The following GGCX variants were observed in gnomAD, a reference collection of about 807,000 sequenced individuals.
GGCX encodes vitamin K-dependent gamma-carboxylase.
A neutral mutation model predicts 88.5 loss-of-function variants in GGCX; 63 were observed. The observed-to-expected ratio is 0.71, with a 90% confidence interval of 0.58 to 0.88. The LOEUF is 0.88. Among genes scored for constraint, GGCX ranks in the 40% least tolerant of loss-of-function variants. GGCX has a pLI of 0.00. For missense variants in GGCX, 805 were observed against 932.9 expected, an observed-to-expected ratio of 0.86 and a Z score of 1.79; for synonymous variants, 368 against 365.8, an observed-to-expected ratio of 1.01 and a Z score of -0.07.
chr2:85,550,521 A>G (rs1423619909), intron 14 of GGCX, 34 bp downstream of exon 14: 2 of 1,522,846 alleles, frequency 1.3e-6, no homozygotes, highest in Non-Finnish European at 1.8e-6. Flanking sequence ...TTGCCAACAT[A>G]TGATGGCAAT....
intron 14 of GGCX, 144 bp from the exon 15 acceptor site, chr2:85,550,270 C>A: frequency 1.4e-6 from 1 of 711,670 alleles, no homozygotes; most frequent in Non-Finnish European, 2.5e-6. Context: ...CTCCATCTCC[C>A]AGCTGGAAGG....
At chr2:85,550,438 T>C in intron 14 of GGCX, 117 bp downstream of exon 14, 1 of 777,556 alleles carries the variant, frequency 1.3e-6, no homozygotes, top group Admixed American at 2.0e-5. Flanking sequence ...CAGGAAAAGA[T>C]ACCTAGAGCT....
Position 85,545,900 on chromosome 2 carries a change from A to G in GGCX, c.*4034T>C, listed in dbSNP as rs1691639635. 1.3e-5 allele frequency: 2 copies of G among 152,266 alleles called. No homozygotes were observed. The highest frequency in any genetic ancestry group is 1.3e-4 in the Admixed American group (2 of 15,282). 9.4% of individuals were successfully genotyped at this position (152,266 alleles called of 1,614,324 possible). ...CTTGCAGAGATAAATAATGCAAATT[A>G]GCTGAAAATGCTATAAATTTCCAAA... is the stretch of plus-strand genomic sequence containing the variant. On this transcript the variant is annotated 3_prime_UTR_variant, in exon 15 of 15. Coordinates refer to ENST00000233838, the MANE Select transcript of GGCX (RefSeq NM_000821.7).
chr2:85,551,723 T>C, intron 11 of GGCX, 89 bp downstream of exon 11: 8 of 1,563,874 alleles, frequency 5.1e-6, no homozygotes, highest in Non-Finnish European at 7.1e-6. Context: ...TTCAAAAACA[T>C]TCCCTCTCCC....
At position 85,552,962 on chromosome 2, in the gene GGCX, C is replaced by CCCT; in HGVS notation, c.1263_1264insAGG (p.Gly421_Glu422insArg). On this transcript the variant is annotated inframe_insertion, in exon 9 of 15. Transcript: ENST00000233838. ...ACCCCAGGGTTAAGGTAGCCCAGTT[C>CCCT]GCCAGTGCGGCCATCACGGTAGGTG... The CCCT allele has an allele frequency of 6.2e-7, 1 of 1,614,178 alleles. No homozygotes were observed. The highest frequency in any genetic ancestry group is 8.5e-7 in the Non-Finnish European group (1 of 1,179,984).
chr2:85,555,983 A>C (rs1351550090), intron 5 of GGCX, among the ~76,000 whole-genome samples, 199 bp downstream of exon 5: 3 of 152,202 alleles, frequency 2.0e-5, no homozygotes, highest in Non-Finnish European at 4.4e-5. Flanking sequence ...ACAAAGCTCT[A>C]GTCTTTCCTT....
At position 85,558,444 on chromosome 2, in the gene GGCX, A is replaced by G. The variant is rs549321984; in HGVS notation, c.535T>C (p.Tyr179His). 5 of 1,613,424 alleles carry G rather than the reference A, an allele frequency of 3.1e-6. No homozygotes were observed. The highest frequency in any genetic ancestry group is 4.2e-6 in the Non-Finnish European group (5 of 1,179,344). Residue 179 changes from tyrosine to histidine, a missense_variant, in exon 4 of 15, where the codon TAC becomes CAC. Around this residue, in one of 3 missense-constraint regions of GGCX, gnomAD observed 680 missense variants for 763.7 expected, o/e 0.89. Transcript: ENST00000233838. ...TTTGTCCCCCCTGACTCATACCAGT[A>G]GTGGTTTGCATCCATGAATGTTAGC... ...FQLTFMDANH[Y>H]WSVDGLLNAH...
rs1691677001 is a variant in GGCX, at chr2:85,546,584, CT to C, written c.*3349del. On this transcript the variant is annotated 3_prime_UTR_variant, in exon 15 of 15. Coordinates refer to ENST00000233838, the MANE Select transcript of GGCX (RefSeq NM_000821.7). Reference sequence around the variant, plus strand: ...AAAAAGCTGGGTGTGGTGGCAGGTGCTTGTAATCCCAGCTACTCAGGAGGCT... The same window carrying C: ...AAAAAGCTGGGTGTGGTGGCAGGTGCTGTAATCCCAGCTACTCAGGAGGCT... 6.6e-6 allele frequency: 1 copy of C among 152,332 alleles called. No individual in the cohort carries two copies. Among genetic ancestry groups the C allele is most frequent in the South Asian group, 2.1e-4 (1 of 4,822 alleles). 9.4% of individuals were successfully genotyped at this position (152,332 alleles called of 1,614,324 possible).
rs558424823 is a variant in GGCX, at chr2:85,554,488, C to T, written c.726-182G>A. The T allele has an allele frequency of 2.1e-4, 98 of 472,200 alleles. 1 individual carries two copies. The African/African-American group carries it at 2.5e-3, about 12-fold the overall frequency. 29.3% of individuals were successfully genotyped at this position (472,200 alleles called of 1,614,324 possible). On this transcript the variant is annotated intron_variant, in intron 6 of 14. Coordinates refer to ENST00000233838, the MANE Select transcript of GGCX (RefSeq NM_000821.7). ...GTTGTTGTTGTTGTTGTTGTTGAAA[C>T]GAAGTTTCACTCTGTCGCCTAGGCT...
rs201869647 is a variant in GGCX, at chr2:85,550,654, C to T, written c.1985G>A (p.Arg662His). The change falls in exon 14 of 15, where the codon CGC becomes CAC. Residue 662 changes from arginine to histidine, a missense_variant. By Grantham distance (29) the Arg-to-His change is conservative. Transcript: ENST00000233838. Reference sequence around the variant, plus strand: ...TTCAATCTCCTGGAGCCTTTGTTGGCGTCTAAGAAAGGTCTGAACCAGAGG... The same window carrying T: ...TTCAATCTCCTGGAGCCTTTGTTGGTGTCTAAGAAAGGTCTGAACCAGAGG... ...PTPLVQTFLR[R>H]QQRLQEIERR... The T allele has an allele frequency of 6.2e-6, 10 of 1,613,634 alleles. No individual in the cohort carries two copies. The East Asian group carries it at 6.7e-5, about 11-fold the overall frequency.
At chr2:85,553,539 T>C in intron 7 of GGCX, 42 bp from the exon 8 acceptor site, 1 of 1,605,810 alleles carries the variant, frequency 6.2e-7, no homozygotes, top group African/African-American at 1.3e-5. Flanking sequence ...GGAGTTTGGC[T>C]GGGCCTCTTC....
At position 85,558,992 on chromosome 2, in the gene GGCX, G is replaced by A. The variant is rs773112318; in HGVS notation, c.298C>T (p.Arg100Cys). 29 of 1,613,480 alleles carry A rather than the reference G, an allele frequency of 1.8e-5. No homozygotes were observed. Among genetic ancestry groups the A allele is most frequent in the South Asian group, 6.6e-5 (6 of 91,072 alleles). ...RKYLDGLDVC[R>C]FPLLDALRPL... Reference sequence around the variant, plus strand: ...CGTAGGGCATCCAGCAAGGGGAAGCGGCACACATCCAGCCCATCAAGGTAT... The same window carrying A: ...CGTAGGGCATCCAGCAAGGGGAAGCAGCACACATCCAGCCCATCAAGGTAT... The change falls in exon 3 of 15, where the codon CGC (arginine) becomes TGC (cysteine). Residue 100 changes from arginine to cysteine, a missense_variant. Around this residue, in one of 3 missense-constraint regions of GGCX, gnomAD observed 61 missense variants for 111.9 expected, o/e 0.54. Coordinates refer to ENST00000233838, the MANE Select transcript of GGCX (RefSeq NM_000821.7).
At chr2:85,553,590 G>T in intron 7 of GGCX, 93 bp from the exon 8 acceptor site, 1 of 1,214,996 alleles carries the variant, frequency 8.2e-7, no homozygotes, top group South Asian at 1.2e-5. Flanking sequence ...GTGTTCCACT[G>T]AAAAGGAAAG....
At position 85,559,093 on chromosome 2, in the gene GGCX, G is replaced by A. The variant is rs773894116; in HGVS notation, c.215-18C>T. On this transcript the variant is annotated intron_variant, in intron 2 of 14. Transcript: ENST00000233838. ...CAAGAACCCTAAGAAGGCAATAGGGGAGTTGGTCATTGGGCCTCAGCTAAG... is the reference window on the plus strand; with the variant it reads ...CAAGAACCCTAAGAAGGCAATAGGGAAGTTGGTCATTGGGCCTCAGCTAAG... 2 of 1,612,272 alleles carry A rather than the reference G, an allele frequency of 1.2e-6. No individual in the cohort carries two copies. Among genetic ancestry groups the A allele is most frequent in the Non-Finnish European group, 1.7e-6 (2 of 1,178,370 alleles).
Position 85,547,454 on chromosome 2 carries a change from T to TG in GGCX, c.*2479dup, listed in dbSNP as rs1159038850. On this transcript the variant is annotated 3_prime_UTR_variant, in exon 15 of 15. Coordinates refer to ENST00000233838, the MANE Select transcript of GGCX (RefSeq NM_000821.7). Reference sequence around the variant, plus strand: ...CCTCACCCTACCCCAATATCTTCCTTGGGAAAATTGGTCAGAGAGGTGGTA... The same window carrying TG: ...CCTCACCCTACCCCAATATCTTCCTTGGGGAAAATTGGTCAGAGAGGTGGTA... 1 of 152,148 alleles carries TG rather than the reference T, an allele frequency of 6.6e-6. No individual in the cohort carries two copies. Among genetic ancestry groups the TG allele is most frequent in the African/African-American group, 2.4e-5 (1 of 41,436 alleles). The allele number at this position is 152,148 out of a possible 1,614,324, so 9.4% of individuals were successfully genotyped here. A position where few individuals can be genotyped will look rare whatever the true frequency, so the allele number is the denominator to read the frequency against.
rs1271212787 is a variant in GGCX at position 85,553,040 on chromosome 2, C to T, written c.1186G>A (p.Gly396Ser). Reference protein sequence around the residue: ...GYNNWTNGLYGYSWDMMVHSR... With the variant: ...GYNNWTNGLYSYSWDMMVHSR... ...TGCACCATCATGTCCCAGGAATAGC[C>T]ATACAGCCCATTTGTCCAGTTGTTA... The change falls in exon 9 of 15, where the codon GGC becomes AGC. Residue 396 changes from glycine (G) to serine (S), a missense_variant. Around this residue, in one of 3 missense-constraint regions of GGCX, gnomAD observed 680 missense variants for 763.7 expected, o/e 0.89. Coordinates refer to ENST00000233838, the MANE Select transcript of GGCX (RefSeq NM_000821.7). The T allele has an allele frequency of 2.5e-6, 4 of 1,614,186 alleles. No individual in the cohort carries two copies. Among genetic ancestry groups the T allele is most frequent in the Non-Finnish European group, 3.4e-6 (4 of 1,180,000 alleles).
chr2:85,556,896 C>G (rs1692225389), intron 4 of GGCX, among the ~76,000 whole-genome samples: 1 of 152,238 alleles, frequency 6.6e-6, no homozygotes, highest in African/African-American at 2.4e-5. Context: ...CACCTGGACT[C>G]ACTTCTGTTT....
rs1227122440 is a variant in GGCX at position 85,556,272 on chromosome 2, G to A, written c.540-12C>T. 3.2e-6 allele frequency: 5 copies of A among 1,577,480 alleles called. No individual in the cohort carries two copies. The highest frequency in any genetic ancestry group is 4.4e-6 in the Non-Finnish European group (5 of 1,146,612). On this transcript the variant is annotated splice_polypyrimidine_tract_variant and intron_variant, in intron 4 of 14. Coordinates refer to ENST00000233838, the MANE Select transcript of GGCX (RefSeq NM_000821.7). ...GACCGTCCACAGACCTACACCGAGG[G>A]AGGTAAACATTGAGGGGGGAGCTGC...
At chr2:85,561,049 C>T in intron 1 of GGCX, 64 bp from the exon 2 acceptor site, 1 of 1,401,478 alleles carries the variant, frequency 7.1e-7, no homozygotes, top group Non-Finnish European at 1.0e-6. Flanking sequence ...TCAAAGAAAT[C>T]ACTGCACCAA....
Sources: gnomAD v4.1 joint callset for allele counts (sites outside exome capture counted in the v4.1 genomes callset) on GRCh38, gnomAD v4.1.1 for gene constraint, gnomAD v4.1.1 regional missense constraint, MANE v1.5 for transcripts, NCBI Gene and HGNC (gene_info 2026-07-23, HGNC 2026-07-21) for gene names.